Variants in STARD3 observed in about 807,000 individuals in gnomAD.
The protein encoded by STARD3 is stAR-related lipid transfer protein 3.
In STARD3, 39 loss-of-function variants were observed where a neutral mutation model predicts 62.0. The observed-to-expected ratio is 0.63, with a 90% CI of 0.49 to 0.82. The LOEUF is 0.82. Among genes scored for constraint, STARD3 ranks in the 40% least tolerant of loss-of-function variants. The pLI is 0.00. For synonymous variants in STARD3, 229 were observed against 242.4 expected (o/e 0.94, Z 0.51); for missense variants, 543 against 584.5 (o/e 0.93, Z 0.73).
At position 39,657,977 on chromosome 17, in the gene STARD3, C is replaced by A; in HGVS notation, c.380C>A (p.Thr127Lys). 1 of 1,584,860 alleles carries A rather than the reference C, an allele frequency of 6.3e-7. No homozygotes were observed. Among genetic ancestry groups the A allele is most frequent in the Non-Finnish European group, 8.6e-7 (1 of 1,165,442 alleles). ...RLRHWWVIAV[T>K]TLVSSAFLIV... ...CTCCCTCCCTCCCCTGGGCAGGTCA[C>A]GACGCTGGTGTCCAGTGCATTCCTC... Residue 127 changes from threonine to lysine, a missense_variant, in exon 5 of 15, where the codon ACG (threonine) becomes AAG (lysine). Coordinates refer to ENST00000336308, the MANE Select transcript of STARD3 (RefSeq NM_006804.4).
chr17:39,649,455 C>T (rs1597791950), intron 1 of STARD3, among the ~76,000 whole-genome samples: 1 of 152,144 alleles, frequency 6.6e-6, no homozygotes, highest in Admixed American at 6.5e-5. Context: ...TATCAAAGAA[C>T]GAGAAAGACA....
At chr17:39,659,954 C>T in intron 9 of STARD3, 3 of 574,028 alleles carry the variant, frequency 5.2e-6, no homozygotes, top group Non-Finnish European at 9.3e-6. Flanking sequence ...GCCCCATTGG[C>T]CTGGAGACAT....
intron 14 of STARD3, 194 bp downstream of exon 14, chr17:39,662,538 C>T (rs2057211603): frequency 1.6e-6 from 1 of 644,178 alleles, no homozygotes. Context: ...GCATGTGCCC[C>T]CCCTTCTTAC....
chr17:39,662,804 G>T lies in STARD3; in HGVS notation c.1234G>T (p.Gly412Cys). Residue 412 changes from glycine to cysteine, a missense_variant and splice_region_variant, in exon 15 of 15, where the codon GGC becomes TGC. By Grantham distance (159) the Gly-to-Cys change is radical. Transcript: ENST00000336308. ...FVWILNTDLK[G>C]RLPRYLIHQS... Reference sequence around the variant, plus strand: ...GTGACTTCTGCCTGCCTTCCCCCAGGGCCGCCTGCCCCGGTACCTCATCCA... The same window carrying T: ...GTGACTTCTGCCTGCCTTCCCCCAGTGCCGCCTGCCCCGGTACCTCATCCA... The T allele has an allele frequency of 6.2e-7, 1 of 1,607,148 alleles. No individual in the cohort carries two copies. The highest frequency in any genetic ancestry group is 8.5e-7 in the Non-Finnish European group (1 of 1,176,946).
intron 3 of STARD3, among the ~76,000 whole-genome samples, chr17:39,657,388 A>G (rs1049474087): frequency 7.9e-5 from 12 of 152,132 alleles, no homozygotes; most frequent in Admixed American, 7.9e-4. Flanking sequence ...TTAGCTGAGC[A>G]TGGTGGTTCG....
chr17:39,660,546 C>G lies in STARD3; in HGVS notation c.954+20C>G. On this transcript the variant is annotated intron_variant, in intron 11 of 14. Transcript: ENST00000336308. This position sits in a 1 kb window ranked among gnomAD's most constrained non-coding sequence, Gnocchi z 4.8. ...TGCCAGGTGAGCCCAGTCTGGCTGC[C>G]TCTTAAGGCACAGATGGGGGCACAG... is the stretch of plus-strand genomic sequence containing the variant. 6.2e-7 allele frequency: 1 copy of G among 1,613,336 alleles called. No homozygotes were observed. The highest frequency in any genetic ancestry group is 8.5e-7 in the Non-Finnish European group (1 of 1,179,608).
chr17:39,659,660 TTCCTGCCCCAAGAGAG>T, intron 9 of STARD3, 107 bp downstream of exon 9: 2 of 1,207,996 alleles, frequency 1.7e-6, no homozygotes, highest in Non-Finnish European at 2.4e-6. Context: ...TGGAGCCATA[TTCCTGCCCCAAGAGAG>T]GGAGCTGGGC....
At chr17:39,644,023 C>G (rs968635390) in intron 1 of STARD3, among the ~76,000 whole-genome samples, 3 of 152,232 alleles carry the variant, frequency 2.0e-5, no homozygotes, top group African/African-American at 7.2e-5. Flanking sequence ...CTCAGCTTCA[C>G]TGATCCTTCC....
intron 5 of STARD3, 111 bp from the exon 6 acceptor site, chr17:39,658,294 T>C: frequency 9.8e-7 from 1 of 1,023,714 alleles, no homozygotes; most frequent in Non-Finnish European, 1.5e-6. Flanking sequence ...AAGCAGCTGC[T>C]ACCAGGAATG....
intron 1 of STARD3, chr17:39,653,244 G>A: frequency 3.9e-6 from 2 of 515,264 alleles, no homozygotes; most frequent in Non-Finnish European, 7.1e-6. Context: ...GGTGAACCCT[G>A]TGGCTGCTGG....
chr17:39,651,226 T>C (rs1392895472), intron 1 of STARD3, among the ~76,000 whole-genome samples: 1 of 152,152 alleles, frequency 6.6e-6, no homozygotes, highest in Admixed American at 6.5e-5. Flanking sequence ...TTCCTGTTTG[T>C]GGGGGCTTGC....
At position 39,653,675 on chromosome 17, in the gene STARD3, T is replaced by G; in HGVS notation, c.144T>G (p.Asp48Glu). ...CTGAGAAGCGAAGGGCCATCTCTGA[T>G]GTCCGCCGCACCTTCTGTCTCTTCG... ...PPPEKRRAIS[D>E]VRRTFCLFVT... The change falls in exon 2 of 15, where the codon GAT (aspartate) becomes GAG (glutamate). Residue 48 changes from aspartate to glutamate, a missense_variant. Coordinates refer to ENST00000336308, the MANE Select transcript of STARD3 (RefSeq NM_006804.4). The G allele has an allele frequency of 6.2e-7, 1 of 1,614,220 alleles. No homozygotes were observed. Among genetic ancestry groups the G allele is most frequent in the Non-Finnish European group, 8.5e-7 (1 of 1,180,034 alleles).
At chr17:39,639,920 A>C (rs1487291908) in intron 1 of STARD3, among the ~76,000 whole-genome samples, 1 of 152,148 alleles carries the variant, frequency 6.6e-6, no homozygotes. Context: ...CACTCATTCC[A>C]GCCTGGGTCA....
chr17:39,651,936 T>C (rs2057082040), intron 1 of STARD3: 1 of 152,076 alleles, frequency 6.6e-6, no homozygotes, highest in Non-Finnish European at 1.5e-5. Flanking sequence ...GCCCAGCACA[T>C]GGGTGGGGCA....
chr17:39,646,506 G>C (rs1200797625), intron 1 of STARD3, among the ~76,000 whole-genome samples: 1 of 152,092 alleles, frequency 6.6e-6, no homozygotes, highest in Non-Finnish European at 1.5e-5. Context: ...TTCCTCCTTG[G>C]CCTCCCAAAG....
chr17:39,647,231 C>T (rs2057035100), intron 1 of STARD3, among the ~76,000 whole-genome samples: 1 of 151,730 alleles, frequency 6.6e-6, no homozygotes, highest in East Asian at 1.9e-4. Flanking sequence ...CCTCCACTTT[C>T]CCCCCTACCT....
At chr17:39,650,856 G>A (rs1317932345) in intron 1 of STARD3, among the ~76,000 whole-genome samples, 1 of 152,158 alleles carries the variant, frequency 6.6e-6, no homozygotes, top group Non-Finnish European at 1.5e-5. Flanking sequence ...AAGTTACTTT[G>A]TGAAACAGAT....
rs759110798 is a variant in STARD3 at position 39,657,762 on chromosome 17, C to T, written c.298-13C>T. 2.0e-5 allele frequency: 32 copies of T among 1,613,892 alleles called. No individual in the cohort carries two copies. Among genetic ancestry groups the T allele is most frequent in the South Asian group, 9.9e-5 (9 of 91,074 alleles). On this transcript the variant is annotated splice_polypyrimidine_tract_variant and intron_variant, in intron 3 of 14. Transcript: ENST00000336308. ...TAGCTTCCTGTGACTGCCTTGCTCC[C>T]GTCCCCCACCAGGTCCTGGCCTTCT... is the stretch of plus-strand genomic sequence containing the variant.
chr17:39,650,321 G>A (rs755826841), intron 1 of STARD3, among the ~76,000 whole-genome samples: 8 of 152,178 alleles, frequency 5.3e-5, no homozygotes, highest in African/African-American at 1.2e-4. Flanking sequence ...GCTGAGTCAC[G>A]CCAGATTGCT....
Sources: allele counts gnomAD v4.1 joint callset (sites outside exome capture counted in the v4.1 genomes callset), GRCh38; gene constraint gnomAD v4.1.1; non-coding constraint Gnocchi (gnomAD v3.1); transcripts MANE v1.5; gene names NCBI Gene and HGNC (gene_info 2026-07-23, HGNC 2026-07-21).